Variants in MYOM2 observed in about 807,000 individuals in gnomAD.
MYOM2 encodes myomesin-2.
MYOM2 carries 254 observed loss-of-function variants against 187.6 expected under a neutral mutation model. The observed-to-expected ratio is 1.35, with a 90% CI of 1.22 to 1.50. The LOEUF (loss-of-function observed/expected upper bound fraction) is 1.50, where lower values mean the gene tolerates loss of function less well. Ranked by LOEUF, MYOM2 falls within the 40% of genes most tolerant of loss-of-function variation. MYOM2 has a pLI of 0.00. For missense variants in MYOM2, 2,796 were observed against 1,924.0 expected, an observed-to-expected ratio of 1.45 and a Z score of -8.48; for synonymous variants, 981 against 753.8, an observed-to-expected ratio of 1.30 and a Z score of -4.94.
chr8:2,079,853 C>G (rs1177424554), intron 13 of MYOM2, among the ~76,000 whole-genome samples: 4 of 152,152 alleles, frequency 2.6e-5, no homozygotes, highest in Non-Finnish European at 5.9e-5. Flanking sequence ...TTAGACTCAC[C>G]TTTCATTTGG....
intron 14 of MYOM2, among the ~76,000 whole-genome samples, chr8:2,086,339 TGTTGTGATCTCTGCGTGGCCTCCC>T (rs1796048364): frequency 1.8e-5 from 1 of 56,432 alleles, no homozygotes. Flanking sequence ...GGCCCCCCAC[TGTTGTGATCTCTGCGTGGCCTCCC>T]ACTGTTGTGA....
chr8:2,088,423 C>G lies in MYOM2; in HGVS notation c.1645-1585C>G, dbSNP rs183760814. 5.3e-4 allele frequency among the ~76,000 whole-genome samples: 80 copies of G among 152,302 alleles called. 1 individual carries two copies. Among genetic ancestry groups the G allele is most frequent in the South Asian group, 1.0e-3 (5 of 4,826 alleles). On this transcript the variant is annotated intron_variant, in intron 14 of 36. Coordinates refer to ENST00000262113, the MANE Select transcript of MYOM2 (RefSeq NM_003970.4). ...CAGCACCCCATAGGTGGTTTTTCAGCCCTTGCTCTGTCTGGTAGGCCTCAG... is the reference window on the plus strand; with the variant it reads ...CAGCACCCCATAGGTGGTTTTTCAGGCCTTGCTCTGTCTGGTAGGCCTCAG...
intron 10 of MYOM2, among the ~76,000 whole-genome samples, chr8:2,074,881 G>T (rs189237733): frequency 6.6e-6 from 1 of 152,218 alleles, no homozygotes; most frequent in Non-Finnish European, 1.5e-5. Context: ...CAAAGAAGGC[G>T]TCAGAGCGCT....
chr8:2,050,784 C>G lies in MYOM2; in HGVS notation c.18C>G (p.Val6=). The change falls in exon 2 of 37, where the codon GTC becomes GTG. Residue 6 remains valine (V), a synonymous_variant. Transcript: ENST00000262113. MSLVT[V]PFYQKRHRHF... ...ACGCCAAGATGTCCCTTGTGACTGTCCCCTTCTACCAGAAGAGACATAGGC... is the reference window on the plus strand; with the variant it reads ...ACGCCAAGATGTCCCTTGTGACTGTGCCCTTCTACCAGAAGAGACATAGGC... The G allele has an allele frequency of 1.2e-6, 2 of 1,612,206 alleles. No homozygotes were observed. Among genetic ancestry groups the G allele is most frequent in the Non-Finnish European group, 1.7e-6 (2 of 1,178,372 alleles).
At position 2,106,514 on chromosome 8, in the gene MYOM2, C is replaced by A. The variant is rs577646766; in HGVS notation, c.2915C>A (p.Pro972Gln). Residue 972 changes from proline (P) to glutamine (Q), a missense_variant, in exon 23 of 37, where the codon CCG becomes CAG. Physicochemically the swap from Pro to Gln is moderately conservative, Grantham distance 76 (BLOSUM62 -1). Coordinates refer to ENST00000262113, the MANE Select transcript of MYOM2 (RefSeq NM_003970.4). ...GDHSKLYLKN[P>Q]DKEDLGTYSV... ...AGCTCCAAGCTGTACTTAAAGAATCCGGATAAGGAGGATTTAGGGACTTAC... is the reference window on the plus strand; with the variant it reads ...AGCTCCAAGCTGTACTTAAAGAATCAGGATAAGGAGGATTTAGGGACTTAC... The A allele has an allele frequency of 6.2e-7, 1 of 1,612,190 alleles. No homozygotes were observed. The highest frequency in any genetic ancestry group is 2.2e-5 in the East Asian group (1 of 44,794).
At position 2,092,378 on chromosome 8, in the gene MYOM2, TC is replaced by T. The variant is rs1796335025; in HGVS notation, c.1864del (p.Arg622GlufsTer53). 2 of 1,613,948 alleles carry T rather than the reference TC, an allele frequency of 1.2e-6. No homozygotes were observed. The highest frequency in any genetic ancestry group is 1.7e-6 in the Non-Finnish European group (2 of 1,180,002). ...VPSAPGRVLA[S>X]RNTKTSVVVQ... ...TTCTGCTCCGGGTCGGGTTCTTGCT[TC>T]CCGAAACACCAAGACGTCGGTGGTG... On this transcript the variant is annotated frameshift_variant, in exon 16 of 37. Transcript: ENST00000262113. LOFTEE classifies it high-confidence loss of function.
rs377200104 is a variant in MYOM2, at chr8:2,143,403, C to G, written c.4027C>G (p.Arg1343Gly). 4.3e-6 allele frequency: 7 copies of G among 1,614,126 alleles called. No individual in the cohort carries two copies. Among genetic ancestry groups the G allele is most frequent in the Non-Finnish European group, 5.9e-6 (7 of 1,180,032 alleles). ...FKAAAFAEKNRGRLIGGLPDV... is the reference protein window; with the variant it reads ...FKAAAFAEKNGGRLIGGLPDV... The stretch of plus-strand genomic sequence containing the variant: ...ACCAAGGTGCTTTCCCGTTGCAGAT[C>G]GTGGCAGGTTGATCGGCGGCTTGCC... The change falls in exon 36 of 37, where the codon CGT (arginine) becomes GGT (glycine). Residue 1343 changes from arginine to glycine, a missense_variant and splice_region_variant. Arg to Gly is a moderately radical substitution (Grantham distance 125). Transcript: ENST00000262113.
chr8:2,085,409 T>G lies in MYOM2; in HGVS notation c.1644+19T>G, dbSNP rs1484661121. On this transcript the variant is annotated intron_variant, in intron 14 of 36. Transcript: ENST00000262113. ...TGAGAAGGTAAACTCCGGGCCCGTG[T>G]CCTGGAAAAGTAGATCTCTGCATGG... The G allele has an allele frequency of 8.8e-6, 14 of 1,599,854 alleles. No individual in the cohort carries two copies. In the Admixed American group the frequency reaches 1.5e-4, roughly 17 times the overall value.
intron 8 of MYOM2, among the ~76,000 whole-genome samples, chr8:2,069,992 G>C: frequency 6.6e-6 from 1 of 152,194 alleles, no homozygotes; most frequent in Non-Finnish European, 1.5e-5. Flanking sequence ...AGTGCAGCAG[G>C]CTTTGGTCCA....
At chr8:2,122,348 A>G (rs1425701720) in intron 28 of MYOM2, among the ~76,000 whole-genome samples, 1 of 152,202 alleles carries the variant, frequency 6.6e-6, no homozygotes, top group Non-Finnish European at 1.5e-5. Context: ...TGATGGGACA[A>G]CTTCTGTGTG....
chr8:2,080,262 TAG>T lies in MYOM2; in HGVS notation c.1516+656_1516+657del, dbSNP rs568892997. On this transcript the variant is annotated intron_variant, in intron 13 of 36. Coordinates refer to ENST00000262113, the MANE Select transcript of MYOM2 (RefSeq NM_003970.4). ...TTCAAATCAGTGTGGAGCCACTGGC[TAG>T]AGAGAGGTGATTTTGAGCTGCTCGC... 1.2e-3 allele frequency among the ~76,000 whole-genome samples: 177 copies of T among 152,348 alleles called. 1 individual carries two copies. Among genetic ancestry groups the T allele is most frequent in the African/African-American group, 4.1e-3 (172 of 41,584 alleles).
chr8:2,050,668 A>G, intron 1 of MYOM2, 87 bp from the exon 2 acceptor site: 1 of 735,664 alleles, frequency 1.4e-6, no homozygotes, highest in South Asian at 2.1e-5. Flanking sequence ...ACTGGAGTTC[A>G]TTTTCCCCTT....
intron 11 of MYOM2, chr8:2,076,509 A>G (rs1302812568): frequency 5.3e-6 from 3 of 569,968 alleles, no homozygotes; most frequent in African/African-American, 3.8e-5. Flanking sequence ...TTGAAAGTGG[A>G]GGCTCGTTTG....
At chr8:2,136,146 G>A (rs916849561) in intron 32 of MYOM2, among the ~76,000 whole-genome samples, 1 of 152,196 alleles carries the variant, frequency 6.6e-6, no homozygotes, top group African/African-American at 2.4e-5. Flanking sequence ...AGAGAACCTG[G>A]GGTCAGAACG....
At chr8:2,045,410 T>C (rs769825558) in intron 1 of MYOM2, among the ~76,000 whole-genome samples, 8 of 152,204 alleles carry the variant, frequency 5.3e-5, no homozygotes, top group Non-Finnish European at 1.2e-4. Flanking sequence ...CTTTGCTAAG[T>C]GCCGTTTAGC....
At chr8:2,077,699 T>C (rs553140948) in intron 11 of MYOM2, among the ~76,000 whole-genome samples, 1 of 152,296 alleles carries the variant, frequency 6.6e-6, no homozygotes, top group South Asian at 2.1e-4. Flanking sequence ...AACCATTTCC[T>C]GCACTGTCTC....
intron 13 of MYOM2, among the ~76,000 whole-genome samples, chr8:2,083,117 A>T (rs1819686397): frequency 6.6e-6 from 1 of 152,238 alleles, no homozygotes; most frequent in African/African-American, 2.4e-5. Context: ...AAAGCATTTT[A>T]AAACAATCAT....
chr8:2,120,675 T>TA (rs1220891042), intron 28 of MYOM2, among the ~76,000 whole-genome samples: 26,187 of 39,440 alleles, frequency 0.66, 7,419 homozygotes, highest in East Asian at 0.77. Context: ...TATATATATA[T>TA]TATATTATAT....
intron 6 of MYOM2, among the ~76,000 whole-genome samples, chr8:2,064,408 C>G (rs1563423151): frequency 6.6e-6 from 1 of 152,184 alleles, no homozygotes; most frequent in African/African-American, 2.4e-5. Flanking sequence ...ACCGCGAGCT[C>G]CTTAGCGGGG....
Sources: allele counts gnomAD v4.1 joint callset (sites outside exome capture counted in the v4.1 genomes callset), GRCh38; gene constraint gnomAD v4.1.1; transcripts MANE v1.5; gene names NCBI Gene and HGNC (gene_info 2026-07-23, HGNC 2026-07-21).